Variants in PLCB4 observed in about 807,000 individuals in gnomAD.
The protein encoded by PLCB4 is 1-phosphatidylinositol 4,5-bisphosphate phosphodiesterase beta-4.
In PLCB4, 77 loss-of-function variants were observed where a neutral mutation model predicts 178.8. That is an observed-to-expected ratio of 0.43 (90% CI 0.36 to 0.52). The LOEUF (loss-of-function observed/expected upper bound fraction) is 0.52. Ranked by LOEUF, PLCB4 falls within the 20% of genes least tolerant of loss-of-function variation. PLCB4 has a pLI of 0.00. For missense variants in PLCB4, 1,024 were observed against 1,453.4 expected, an observed-to-expected ratio of 0.70 and a Z score of 4.80; for synonymous variants, 496 against 490.8, an observed-to-expected ratio of 1.01 and a Z score of -0.14.
chr20:9,241,683 G>A (rs570990120), intron 3 of PLCB4, among the ~76,000 whole-genome samples: 28 of 152,328 alleles, frequency 1.8e-4, no homozygotes, highest in Middle Eastern at 6.8e-3. Flanking sequence ...CTTCCCTAGA[G>A]AGCAGGTCAT....
At chr20:9,233,819 T>A (rs990112380) in intron 3 of PLCB4, among the ~76,000 whole-genome samples, 1 of 152,170 alleles carries the variant, frequency 6.6e-6, no homozygotes, top group African/African-American at 2.4e-5. Flanking sequence ...AAGGAGTTTT[T>A]AAAATTGTTG....
At chr20:9,446,606 T>C (rs772168732) in intron 32 of PLCB4, among the ~76,000 whole-genome samples, 37 of 152,282 alleles carry the variant, frequency 2.4e-4, no homozygotes, top group Non-Finnish European at 5.3e-4. Flanking sequence ...AGGCGAGACA[T>C]GGTGGCTCAT....
At chr20:9,448,787 A>G (rs1439967594) in intron 32 of PLCB4, among the ~76,000 whole-genome samples, 1 of 152,192 alleles carries the variant, frequency 6.6e-6, no homozygotes, top group Non-Finnish European at 1.5e-5. Context: ...AGAATCTATG[A>G]ACTATATCTC....
rs79700362 is a variant in PLCB4 at position 9,409,286 on chromosome 20, A to T, written c.1999+105A>T. 3.3e-3 allele frequency: 2,766 copies of T among 850,508 alleles called. 62 individuals carry two copies. The African/African-American group carries it at 0.044, about 14-fold the overall frequency. The allele number at this position is 850,508 out of a possible 1,614,324, so 52.7% of individuals were successfully genotyped here. ...TGTGGGCATTTTTTAAAGGAAGCAG[A>T]CATATGGCAAAGCAATGTGTTATTG... On this transcript the variant is annotated intron_variant, in intron 24 of 39. Coordinates refer to ENST00000378473, the MANE Select transcript of PLCB4 (RefSeq NM_001377142.1).
At chr20:9,274,543 C>T (rs1208794277) in intron 3 of PLCB4, among the ~76,000 whole-genome samples, 1 of 152,070 alleles carries the variant, frequency 6.6e-6, no homozygotes, top group Non-Finnish European at 1.5e-5. Context: ...TGTTTGGGAA[C>T]AGCAAAGTTA....
chr20:9,175,132 G>T (rs1018481355), intron 2 of PLCB4, among the ~76,000 whole-genome samples: 1 of 152,186 alleles, frequency 6.6e-6, no homozygotes, highest in Admixed American at 6.5e-5. Flanking sequence ...TGCTGGAAAT[G>T]CACGTTGTCA....
intron 2 of PLCB4, among the ~76,000 whole-genome samples, chr20:9,106,909 G>A (rs2091385758): frequency 6.6e-6 from 1 of 152,130 alleles, no homozygotes; most frequent in Non-Finnish European, 1.5e-5. Flanking sequence ...TCCTCCAGTA[G>A]GGTTATTGGT....
chr20:9,341,552 G>C (rs35808054), intron 7 of PLCB4, among the ~76,000 whole-genome samples: 1 of 151,978 alleles, frequency 6.6e-6, no homozygotes, highest in Non-Finnish European at 1.5e-5. Flanking sequence ...TCATCCTCAC[G>C]TTGAGTAAGC....
At chr20:9,225,519 G>A (rs2093852934) in intron 3 of PLCB4, among the ~76,000 whole-genome samples, 1 of 152,152 alleles carries the variant, frequency 6.6e-6, no homozygotes, top group Admixed American at 6.5e-5. Context: ...GTTTCTTTGA[G>A]CTTGTCACAT....
Position 9,421,368 on chromosome 20 carries a change from C to T in PLCB4, c.2226C>T (p.Pro742=). ...TAGAGGTGGATATGTATGGGTTGCC[C>T]ACTGACACCATACGTAAGGAATTCC... is the stretch of plus-strand genomic sequence containing the variant. ...TYVEVDMYGL[P]TDTIRKEFRT... is the part of the protein sequence containing the mutation. Residue 742 remains proline (P), a synonymous_variant, in exon 27 of 40, where the codon CCC becomes CCT. Transcript: ENST00000378473. 6.2e-7 allele frequency: 1 copy of T among 1,612,894 alleles called. No individual in the cohort carries two copies. Among genetic ancestry groups the T allele is most frequent in the Non-Finnish European group, 8.5e-7 (1 of 1,178,996 alleles).
chr20:9,262,416 C>G (rs765636259), intron 3 of PLCB4, among the ~76,000 whole-genome samples: 4 of 152,148 alleles, frequency 2.6e-5, no homozygotes, highest in Non-Finnish European at 4.4e-5. Context: ...AGCCACTTGT[C>G]TCCCATGGGT....
intron 2 of PLCB4, among the ~76,000 whole-genome samples, chr20:9,107,054 G>T (rs1009558259): frequency 6.6e-6 from 1 of 151,794 alleles, no homozygotes; most frequent in East Asian, 1.9e-4. Flanking sequence ...ATCTCCATAT[G>T]ACCATCACCC....
chr20:9,397,900 C>T (rs56965167), intron 19 of PLCB4, among the ~76,000 whole-genome samples: 8,999 of 152,176 alleles, frequency 0.059, 866 homozygotes, highest in African/African-American at 0.2. Context: ...TGGTGGTTCT[C>T]CCTTGGGTTT....
At chr20:9,169,629 T>C (rs2093031829) in intron 2 of PLCB4, among the ~76,000 whole-genome samples, 1 of 146,204 alleles carries the variant, frequency 6.8e-6, no homozygotes, top group South Asian at 2.2e-4. Flanking sequence ...ATAAATACTC[T>C]GCCAGGGTTC....
intron 30 of PLCB4, among the ~76,000 whole-genome samples, chr20:9,440,038 G>A (rs1189065490): frequency 2.0e-5 from 3 of 152,224 alleles, no homozygotes; most frequent in African/African-American, 7.2e-5. Flanking sequence ...CATTGGCTGG[G>A]ACAAGTGGGC....
intron 13 of PLCB4, among the ~76,000 whole-genome samples, chr20:9,380,391 T>C (rs2037042523): frequency 6.6e-6 from 1 of 152,198 alleles, no homozygotes; most frequent in South Asian, 2.1e-4. Context: ...AAATACATTA[T>C]AGTGATGTTT....
At chr20:9,294,680 A>G (rs1175027786) in intron 3 of PLCB4, among the ~76,000 whole-genome samples, 1 of 152,058 alleles carries the variant, frequency 6.6e-6, no homozygotes, top group Non-Finnish European at 1.5e-5. Context: ...ACTTGATCTA[A>G]GGCTGTTTTC....
rs550890406 is a variant in PLCB4, at chr20:9,320,839, T to G, written c.84+12941T>G. 1.5e-4 allele frequency among the ~76,000 whole-genome samples: 23 copies of G among 152,234 alleles called. No individual in the cohort carries two copies. In the South Asian group the frequency reaches 4.8e-3, roughly 32 times the overall value. ...TTGTGAGCTTGCTAGAAATGCAGATTATTAGGCCCCACCCCAGACCTACAG... is the reference window on the plus strand; with the variant it reads ...TTGTGAGCTTGCTAGAAATGCAGATGATTAGGCCCCACCCCAGACCTACAG... On this transcript the variant is annotated intron_variant, in intron 4 of 39. Transcript: ENST00000378473.
chr20:9,433,629 G>T (rs1371428633), intron 28 of PLCB4, among the ~76,000 whole-genome samples: 1 of 152,154 alleles, frequency 6.6e-6, no homozygotes, highest in Admixed American at 6.6e-5. Context: ...ATAATTGTTG[G>T]GTTATCATCA....
Sources: gnomAD v4.1 joint callset for allele counts (sites outside exome capture counted in the v4.1 genomes callset) on GRCh38, gnomAD v4.1.1 for gene constraint, MANE v1.5 for transcripts, NCBI Gene and HGNC (gene_info 2026-07-23, HGNC 2026-07-21) for gene names.